Variants in ZNF469 observed in about 807,000 individuals in gnomAD.
The protein encoded by ZNF469 is zinc finger protein 469.
Under a neutral mutation model 1.0 loss-of-function variants are expected in ZNF469, and 1 was observed. The observed-to-expected ratio is 1.00, with a 90% CI of 0.35 to 4.73. The LOEUF (loss-of-function observed/expected upper bound fraction) is 4.73, where lower values mean the gene tolerates loss of function less well. Ranked by LOEUF, ZNF469 falls within the 30% of genes most tolerant of loss-of-function variation. ZNF469 has a pLI of 0.16. For missense variants in ZNF469, 6,100 were observed against 5,356.3 expected (o/e 1.14, Z -4.33); for synonymous variants, 2,703 against 2,363.4 (o/e 1.14, Z -4.17).
At chr16:88,109,294 A>T in the ZNF469 span, among the ~76,000 whole-genome samples, 1 of 152,180 alleles carries the variant, frequency 6.6e-6, no homozygotes, top group African/African-American at 2.4e-5. Context: ...CTGCAACCAC[A>T]TTGCAGCCCA....
the ZNF469 span, among the ~76,000 whole-genome samples, chr16:88,322,251 C>T: frequency 6.6e-6 from 1 of 152,226 alleles, no homozygotes. Context: ...CCACACAGTC[C>T]CCAGGAAATC....
chr16:88,104,015 G>C, the ZNF469 span, among the ~76,000 whole-genome samples: 1 of 152,064 alleles, frequency 6.6e-6, no homozygotes, highest in African/African-American at 2.4e-5. Context: ...TTTGAGGAAC[G>C]GGGGTTGCCT....
chr16:88,299,955 A>G, the ZNF469 span, among the ~76,000 whole-genome samples: 6 of 152,126 alleles, frequency 3.9e-5, no homozygotes, highest in Non-Finnish European at 7.4e-5. Context: ...TGGCATCACC[A>G]CGGCCCCTCT....
At chr16:88,105,127 G>A in the ZNF469 span, among the ~76,000 whole-genome samples, 18 of 152,204 alleles carry the variant, frequency 1.2e-4, no homozygotes, top group Non-Finnish European at 1.5e-4. Flanking sequence ...AAGCTGAGGC[G>A]GGAGGAACAG....
At chr16:88,231,356 G>A in the ZNF469 span, among the ~76,000 whole-genome samples, 1 of 152,218 alleles carries the variant, frequency 6.6e-6, no homozygotes, top group South Asian at 2.1e-4. The surrounding 1 kb of genome is among the most constrained non-coding windows in gnomAD (Gnocchi z 4.5). Flanking sequence ...AAGCCCCATC[G>A]CCCTAAGCCT....
At chr16:88,398,374 C>T (rs549179662) in intron 1 of ZNF469, among the ~76,000 whole-genome samples, 8 of 150,708 alleles carry the variant, frequency 5.3e-5, no homozygotes, top group Admixed American at 2.0e-4. Flanking sequence ...AAGGAGGACC[C>T]GTGAGCCACG....
chr16:88,419,822 C>T (rs1264443522), intron 1 of ZNF469, among the ~76,000 whole-genome samples: 3 of 152,268 alleles, frequency 2.0e-5, no homozygotes, highest in Non-Finnish European at 4.4e-5. Context: ...CATGTCCCCA[C>T]TCTTCTCTCT....
the ZNF469 span, among the ~76,000 whole-genome samples, chr16:88,262,643 G>T: frequency 2.0e-5 from 3 of 152,138 alleles, no homozygotes; most frequent in East Asian, 5.8e-4. The surrounding 1 kb of genome is among the most constrained non-coding windows in gnomAD (Gnocchi z 4.3). Context: ...TCCCTATTGG[G>T]GTCCCCTCCT....
In ZNF469 at chr16:88,433,010, C is replaced by T. The variant is rs374091782; in HGVS notation, c.5540C>T (p.Ala1847Val). The change falls in exon 3 of 3, where the codon GCA becomes GTA. Residue 1847 changes from alanine to valine, a missense_variant. Transcript: ENST00000565624. ...GCAGGTGGGCACCTCCACCCCACGG[C>T]AGGGAGGCCTGGCTTTGAGGGTAAT... ...GRAGGHLHPT[A>V]GRPGFEGNEF... The T allele has an allele frequency of 5.8e-6, 9 of 1,550,272 alleles. No individual in the cohort carries two copies. The East Asian group carries it at 7.3e-5, about 13-fold the overall frequency.
In ZNF469 at chr16:88,397,630, TG is replaced by T. The variant is rs1567500431; in HGVS notation, c.-192+14378del. On this transcript the variant is annotated intron_variant, in intron 1 of 2. Coordinates refer to ENST00000565624, the MANE Select transcript of ZNF469 (RefSeq NM_001367624.2). Reference sequence around the variant, plus strand: ...ATGGATGGATGGATGGGTGGATGGATGGATGGATGGATGGATATAAATAAGA... The same window carrying T: ...ATGGATGGATGGATGGGTGGATGGATGATGGATGGATGGATATAAATAAGA... 5.3e-3 allele frequency among the ~76,000 whole-genome samples: 469 copies of T among 88,688 alleles called. 3 individuals carry two copies. Among genetic ancestry groups the T allele is most frequent in the African/African-American group, 0.024 (449 of 18,832 alleles). The allele number at this position is 88,688 out of a possible 152,430, so 58.2% of individuals were successfully genotyped here. A position where few individuals can be genotyped will look rare whatever the true frequency, so the allele number is the denominator to read the frequency against.
At chr16:88,390,355 G>T (rs1183463580) in intron 1 of ZNF469, among the ~76,000 whole-genome samples, 1 of 152,190 alleles carries the variant, frequency 6.6e-6, no homozygotes, top group Non-Finnish European at 1.5e-5. Flanking sequence ...CAGGGCACCT[G>T]TCCAGAGCCT....
At chr16:88,205,911 C>T in the ZNF469 span, among the ~76,000 whole-genome samples, 36 of 151,982 alleles carry the variant, frequency 2.4e-4, 2 homozygotes, top group Admixed American at 2.3e-3. This position sits in a 1 kb window ranked among gnomAD's most constrained non-coding sequence, Gnocchi z 4.2. Context: ...GGAAATGTTC[C>T]GAGAGGGTGT....
At chr16:88,313,929 C>A in the ZNF469 span, among the ~76,000 whole-genome samples, 1 of 150,038 alleles carries the variant, frequency 6.7e-6, no homozygotes, top group Non-Finnish European at 1.5e-5. Flanking sequence ...TCAGGCAGTG[C>A]TGATGTGGGC....
chr16:88,300,666 C>G, the ZNF469 span, among the ~76,000 whole-genome samples: 34 of 152,088 alleles, frequency 2.2e-4, no homozygotes, highest in Non-Finnish European at 4.1e-4. Context: ...ACAAGTGAGT[C>G]GTGAGTGGGC....
chr16:88,235,998 G>C, the ZNF469 span, among the ~76,000 whole-genome samples: 6 of 152,232 alleles, frequency 3.9e-5, no homozygotes, highest in African/African-American at 1.4e-4. Flanking sequence ...GCAATTGGTT[G>C]AGAGAGTTAA....
At chr16:88,239,446 T>C in the ZNF469 span, among the ~76,000 whole-genome samples, 25,664 of 150,220 alleles carry the variant, frequency 0.17, 2,436 homozygotes, top group East Asian at 0.37. Context: ...TGGAATATGA[T>C]GGGATCAGGA....
the ZNF469 span, among the ~76,000 whole-genome samples, chr16:88,241,573 C>T: frequency 1.3e-5 from 2 of 152,144 alleles, no homozygotes; most frequent in African/African-American, 4.8e-5. This position sits in a 1 kb window ranked among gnomAD's most constrained non-coding sequence, Gnocchi z 4.8. Context: ...CTCCCTTGCA[C>T]TCATGACAGG....
the ZNF469 span, among the ~76,000 whole-genome samples, chr16:88,133,922 T>C: frequency 0.017 from 2,491 of 147,172 alleles, no homozygotes; most frequent in African/African-American, 0.062. Flanking sequence ...GGTGAAACCC[T>C]GTCTCTACTA....
At chr16:88,403,240 A>G (rs557193142) in intron 1 of ZNF469, among the ~76,000 whole-genome samples, 174 of 152,348 alleles carry the variant, frequency 1.1e-3, no homozygotes, top group African/African-American at 3.7e-3. Context: ...CTGGTTGCCC[A>G]GAACAGTCCC....
Sources: allele counts gnomAD v4.1 joint callset (sites outside exome capture counted in the v4.1 genomes callset), GRCh38; gene constraint gnomAD v4.1.1; non-coding constraint Gnocchi (gnomAD v3.1); transcripts MANE v1.5; gene names NCBI Gene and HGNC (gene_info 2026-07-23, HGNC 2026-07-21).